Variants in EIPR1 observed in about 807,000 individuals in gnomAD.
EIPR1 encodes the protein EARP complex and GARP complex interacting protein 1.
In EIPR1, 25 loss-of-function variants were observed where a neutral mutation model predicts 48.1. The ratio of observed to expected loss-of-function variants is 0.52; its 90% CI spans 0.38 to 0.73. EIPR1 has a LOEUF of 0.73. EIPR1 is among the 30% of genes least tolerant of loss of function. The pLI, the probability that EIPR1 is intolerant of heterozygous loss-of-function variation, is 0.00. For missense variants in EIPR1, 415 were observed against 506.2 expected (o/e 0.82, Z 1.73); for synonymous variants, 204 against 201.9 (o/e 1.01, Z -0.09).
At chr2:3,314,661 A>G (rs1032751693) in intron 3 of EIPR1, among the ~76,000 whole-genome samples, 31 of 151,550 alleles carry the variant, frequency 2.0e-4, no homozygotes, top group African/African-American at 7.3e-4. Context: ...GTCCCCTCCC[A>G]ATCCCCCTGG....
At chr2:3,349,109 AAGAG>A (rs1281263419) in intron 2 of EIPR1, among the ~76,000 whole-genome samples, 1 of 152,258 alleles carries the variant, frequency 6.6e-6, no homozygotes, top group African/African-American at 2.4e-5. Flanking sequence ...CTTCAGGTGC[AAGAG>A]CATACCCATG....
chr2:3,202,792 C>G (rs1665095184), intron 5 of EIPR1, among the ~76,000 whole-genome samples: 1 of 152,234 alleles, frequency 6.6e-6, no homozygotes, highest in Admixed American at 6.5e-5. Context: ...GTCCAAAACC[C>G]ACGGGATAAA....
At chr2:3,309,542 A>T (rs1158936872) in intron 3 of EIPR1, among the ~76,000 whole-genome samples, 2 of 152,184 alleles carry the variant, frequency 1.3e-5, no homozygotes, top group Non-Finnish European at 2.9e-5. Flanking sequence ...CAAGACAGAG[A>T]TTGGCAGAGG....
chr2:3,269,266 ATGGCACTCAGTC>A lies in EIPR1; in HGVS notation c.260-11823_260-11812del, dbSNP rs1362725694. ...TCGCACTCAGTCATCGCACTCAGTCATGGCACTCAGTCATGGCACTCAGTCATGGCACTCAGT... is the reference window on the plus strand; with the variant it reads ...TCGCACTCAGTCATCGCACTCAGTCAATGGCACTCAGTCATGGCACTCAGT... On this transcript the variant is annotated intron_variant, in intron 3 of 8. Coordinates refer to ENST00000382125, the MANE Select transcript of EIPR1 (RefSeq NM_003310.5). 1.0e-3 allele frequency among the ~76,000 whole-genome samples: 98 copies of A among 93,990 alleles called. 1 individual carries two copies. Among genetic ancestry groups the A allele is most frequent in the Middle Eastern group, 5.9e-3 (1 of 170 alleles). 61.7% of individuals were successfully genotyped at this position (93,990 alleles called of 152,430 possible). A position where few individuals can be genotyped will look rare whatever the true frequency, so the allele number is the denominator to read the frequency against.
intron 3 of EIPR1, chr2:3,282,779 C>T (rs2694086): frequency 0.23 from 34,932 of 152,254 alleles, 4,060 homozygotes; most frequent in Non-Finnish European, 0.25. Context: ...TAGTGCTCTC[C>T]GTGCTCCAGG....
Position 3,312,259 on chromosome 2 carries a change from G to A in EIPR1, c.259+25758C>T, listed in dbSNP as rs1558290855. On this transcript the variant is annotated intron_variant, in intron 3 of 8. Coordinates refer to ENST00000382125, the MANE Select transcript of EIPR1 (RefSeq NM_003310.5). This position sits in a 1 kb window ranked among gnomAD's most constrained non-coding sequence, Gnocchi z 5.5. ...TATGGCCACTGAGGCCGCATTCCGG[G>A]TGTGCTCTGACGTTTTACCCGCCAT... Among the ~76,000 whole-genome samples the A allele has an allele frequency of 6.6e-6, 1 of 152,158 alleles. No homozygotes were observed. Among genetic ancestry groups the A allele is most frequent in the Non-Finnish European group, 1.5e-5 (1 of 68,038 alleles).
intron 3 of EIPR1, among the ~76,000 whole-genome samples, chr2:3,264,050 TACTA>T: frequency 6.6e-6 from 1 of 152,326 alleles, no homozygotes; most frequent in South Asian, 2.1e-4. Context: ...GATACATTGT[TACTA>T]ACTGTGGTCA....
chr2:3,350,741 T>C (rs1222734336), intron 2 of EIPR1, among the ~76,000 whole-genome samples: 1 of 152,178 alleles, frequency 6.6e-6, no homozygotes, highest in Admixed American at 6.5e-5. Flanking sequence ...CACAGCTTCA[T>C]ACCTACCATA....
At chr2:3,208,505 G>A in intron 5 of EIPR1, 13 of 1,535,246 alleles carry the variant, frequency 8.5e-6, no homozygotes, top group Non-Finnish European at 1.1e-5. Flanking sequence ...ATATGATGAG[G>A]AGGTCTGTGT....
At chr2:3,369,516 T>G (rs370530250) in intron 1 of EIPR1, among the ~76,000 whole-genome samples, 1 of 152,126 alleles carries the variant, frequency 6.6e-6, no homozygotes, top group Non-Finnish European at 1.5e-5. Context: ...CCTGGAAAAT[T>G]GAGCCACTCC....
At chr2:3,300,995 A>G (rs1422452415) in intron 3 of EIPR1, 3 of 152,216 alleles carry the variant, frequency 2.0e-5, no homozygotes, top group Non-Finnish European at 4.4e-5. Context: ...AAGATGATTC[A>G]TAGGGCTAAA....
At chr2:3,291,347 T>A (rs570645168) in intron 3 of EIPR1, among the ~76,000 whole-genome samples, 1 of 152,170 alleles carries the variant, frequency 6.6e-6, no homozygotes, top group Admixed American at 6.5e-5. Context: ...TTCTGCCGTG[T>A]ACCCCAACCC....
At chr2:3,287,151 C>G (rs1668211507) in intron 3 of EIPR1, among the ~76,000 whole-genome samples, 1 of 152,190 alleles carries the variant, frequency 6.6e-6, no homozygotes, top group African/African-American at 2.4e-5. Context: ...CTCTAGAAAA[C>G]TCATTCAACA....
At chr2:3,332,673 T>C (rs1669935989) in intron 3 of EIPR1, among the ~76,000 whole-genome samples, 1 of 152,310 alleles carries the variant, frequency 6.6e-6, no homozygotes, top group East Asian at 1.9e-4. Context: ...CATTTTGCTT[T>C]CATGGAGATG....
intron 4 of EIPR1, among the ~76,000 whole-genome samples, chr2:3,240,187 C>A (rs1313202241): frequency 6.7e-6 from 1 of 149,648 alleles, no homozygotes; most frequent in Non-Finnish European, 1.5e-5. Flanking sequence ...CAGATCCTTC[C>A]TCAAGAAAAG....
At chr2:3,291,481 G>C (rs569536859) in intron 3 of EIPR1, among the ~76,000 whole-genome samples, 1 of 152,190 alleles carries the variant, frequency 6.6e-6, no homozygotes, top group Non-Finnish European at 1.5e-5. Flanking sequence ...GAGATGGTTA[G>C]TTGTTAAATA....
chr2:3,192,293 GGA>G, intron 8 of EIPR1, 119 bp downstream of exon 8: 3 of 1,219,692 alleles, frequency 2.5e-6, no homozygotes, highest in South Asian at 3.6e-5. Context: ...CAGTGGGTAA[GGA>G]GAGTGTCCCC....
chr2:3,252,277 G>A (rs1424187006), intron 4 of EIPR1, among the ~76,000 whole-genome samples: 4 of 152,142 alleles, frequency 2.6e-5, no homozygotes, highest in East Asian at 1.9e-4. Context: ...ACTGAGCAGC[G>A]GCAACTCCTA....
intron 5 of EIPR1, among the ~76,000 whole-genome samples, chr2:3,212,281 A>G (rs940856753): frequency 1.3e-5 from 2 of 152,336 alleles, no homozygotes; most frequent in African/African-American, 2.4e-5. Context: ...ATGTGTTCAC[A>G]GTTTGATTAC....
Sources: allele counts gnomAD v4.1 joint callset (sites outside exome capture counted in the v4.1 genomes callset), GRCh38; gene constraint gnomAD v4.1.1; non-coding constraint Gnocchi (gnomAD v3.1); transcripts MANE v1.5; gene names NCBI Gene and HGNC (gene_info 2026-07-23, HGNC 2026-07-21).